PSMB6: variants seen among roughly 807,000 people sequenced by gnomAD.
The protein encoded by PSMB6 is proteasome 20S subunit beta 6.
PSMB6 carries 11 observed loss-of-function variants against 28.2 expected under a neutral mutation model. That is an observed-to-expected ratio of 0.39 (90% CI 0.25 to 0.65). The LOEUF (loss-of-function observed/expected upper bound fraction) is 0.65, where lower values mean the gene tolerates loss of function less well. Ranked by LOEUF, PSMB6 falls within the 30% of genes least tolerant of loss-of-function variation. The pLI, the probability that PSMB6 is intolerant of heterozygous loss-of-function variation, is 0.48. For missense variants in PSMB6, 268 were observed against 319.4 expected (o/e 0.84, Z 1.23); for synonymous variants, 126 against 117.7 (o/e 1.07, Z -0.45).
In PSMB6 at chr17:4,798,261, TTTC is replaced by T. The variant is rs1440010237; in HGVS notation, c.578-13_578-11del. The stretch of plus-strand genomic sequence containing the variant: ...CCCGGCATCTGAATCTGAACCCAGC[TTTC>T]TTCTTTTATCCACAGCTCTCGCTTT... On this transcript the variant is annotated splice_polypyrimidine_tract_variant and intron_variant, in intron 5 of 5. Coordinates refer to ENST00000270586, the MANE Select transcript of PSMB6 (RefSeq NM_002798.3). 2 of 1,613,362 alleles carry T rather than the reference TTTC, an allele frequency of 1.2e-6. No homozygotes were observed. Among genetic ancestry groups the T allele is most frequent in the Admixed American group, 1.7e-5 (1 of 59,884 alleles).
rs1484810246 is a variant in PSMB6, at chr17:4,797,579, G to A, written c.302+10G>A. 2 of 1,592,924 alleles carry A rather than the reference G, an allele frequency of 1.3e-6. No individual in the cohort carries two copies. The highest frequency in any genetic ancestry group is 1.7e-6 in the Non-Finnish European group (2 of 1,165,872). ...AGCTCGGTTTCCACAGGTGCTTGTG[G>A]GCAGGGGAGGGGCAAGTATCTGAAG... On this transcript the variant is annotated intron_variant, in intron 3 of 5. Transcript: ENST00000270586.
At chr17:4,796,694 G>A (rs1030936672) in intron 1 of PSMB6, 34 bp from the exon 2 acceptor site, 17 of 1,530,322 alleles carry the variant, frequency 1.1e-5, no homozygotes, top group Non-Finnish European at 1.4e-5. Context: ...GTCTGCTGGA[G>A]AATGTAGACT....
intron 1 of PSMB6, 73 bp downstream of exon 1, chr17:4,796,369 T>A (rs1208710482): frequency 4.9e-6 from 6 of 1,226,682 alleles, no homozygotes; most frequent in Non-Finnish European, 6.9e-6. Flanking sequence ...CTGAGTGGGG[T>A]TGAGAGATCT....
chr17:4,797,230 G>T, intron 2 of PSMB6: 1 of 571,218 alleles, frequency 1.8e-6, no homozygotes, highest in African/African-American at 1.9e-5. Flanking sequence ...CTAGAGAATC[G>T]CTTGGACCCA....
chr17:4,796,897 G>C, intron 2 of PSMB6, 102 bp downstream of exon 2: 1 of 981,236 alleles, frequency 1.0e-6, no homozygotes, highest in Non-Finnish European at 1.6e-6. Flanking sequence ...TGGGAAGAGA[G>C]GTTTCTTCTC....
rs1210215100 is a variant in PSMB6, at chr17:4,798,458, G to T, written c.*36G>T. On this transcript the variant is annotated 3_prime_UTR_variant, in exon 6 of 6. Transcript: ENST00000270586. ...TCTAGTATGCAATAAGAGATGCCCTGTACTGATGCAAAATTTAATAAAGTT... is the reference window on the plus strand; with the variant it reads ...TCTAGTATGCAATAAGAGATGCCCTTTACTGATGCAAAATTTAATAAAGTT... 4 of 1,564,324 alleles carry T rather than the reference G, an allele frequency of 2.6e-6. No homozygotes were observed. Among genetic ancestry groups the T allele is most frequent in the Middle Eastern group, 1.7e-4 (1 of 5,840 alleles).
Position 4,796,319 on chromosome 17 carries a change from T to C in PSMB6, c.102+23T>C, listed in dbSNP as rs376142699. 18 of 1,538,532 alleles carry C rather than the reference T, an allele frequency of 1.2e-5. No individual in the cohort carries two copies. In the African/African-American group the frequency reaches 1.8e-4, roughly 15 times the overall value. ...GGGGTGAGGAAGGAATCGGGGTTCA[T>C]AGGACGTGCACAAGGCCTGACGCGA... On this transcript the variant is annotated intron_variant, in intron 1 of 5. Coordinates refer to ENST00000270586, the MANE Select transcript of PSMB6 (RefSeq NM_002798.3).
rs1336438585 is a variant in PSMB6 at position 4,797,567 on chromosome 17, C to A, written c.300C>A (p.His100Gln). The change falls in exon 3 of 6, where the codon CAC (histidine) becomes CAA (glutamine). Residue 100 changes from histidine to glutamine, a missense_variant and splice_region_variant. His to Gln is a conservative substitution (Grantham distance 24, BLOSUM62 0). Coordinates refer to ENST00000270586, the MANE Select transcript of PSMB6 (RefSeq NM_002798.3). ...CTGTCACCTACCAGCTCGGTTTCCA[C>A]AGGTGCTTGTGGGCAGGGGAGGGGC... Reference protein sequence around the residue: ...ADAVTYQLGFHSIELNEPPLV... With the variant: ...ADAVTYQLGFQSIELNEPPLV... 3 of 1,596,398 alleles carry A rather than the reference C, an allele frequency of 1.9e-6. No individual in the cohort carries two copies. Among genetic ancestry groups the A allele is most frequent in the Non-Finnish European group, 2.6e-6 (3 of 1,168,550 alleles).
chr17:4,797,929 C>G (rs1318231831), intron 4 of PSMB6, 80 bp from the exon 5 acceptor site: 18 of 1,604,118 alleles, frequency 1.1e-5, no homozygotes, highest in Non-Finnish European at 1.5e-5. Context: ...GTGCCTCAGA[C>G]CAATAGCAGA....
In PSMB6 at chr17:4,797,325, GA is replaced by G. The variant is rs568027157; in HGVS notation, c.171-106del. The G allele has an allele frequency of 9.6e-3, 13,116 of 1,361,592 alleles. 105 individuals carry two copies. Among genetic ancestry groups the G allele is most frequent in the Middle Eastern group, 0.015 (76 of 5,012 alleles). The allele number at this position is 1,361,592 out of a possible 1,614,324, so 84.3% of individuals were successfully genotyped here. A position where few individuals can be genotyped will look rare whatever the true frequency, so the allele number is the denominator to read the frequency against. The stretch of plus-strand genomic sequence containing the variant: ...GCGAGACTCCATCTCAAAGAAAAAG[GA>G]AAAAAAGGCAATACTGGACATCCTA... On this transcript the variant is annotated intron_variant, in intron 2 of 5. Transcript: ENST00000270586.
At chr17:4,797,415 C>T in intron 2 of PSMB6, 23 bp from the exon 3 acceptor site, 2 of 1,534,424 alleles carry the variant, frequency 1.3e-6, no homozygotes, top group Admixed American at 2.0e-5. Flanking sequence ...GGCTCCTTTC[C>T]TCACTATTCT....
In PSMB6 at chr17:4,798,409, T is replaced by C. The variant is rs1905412173; in HGVS notation, c.707T>C (p.Leu236Ser). The C allele has an allele frequency of 6.2e-7, 1 of 1,614,022 alleles. No homozygotes were observed. The change falls in exon 6 of 6, where the codon TTA (leucine) becomes TCA (serine). Residue 236 changes from leucine (L) to serine (S), a missense_variant. Transcript: ENST00000270586. The part of the protein sequence containing the change: ...DQIPKFAVAT[L>S]PPA The stretch of plus-strand genomic sequence containing the variant: ...ATACCCAAATTCGCCGTTGCCACTT[T>C]ACCACCCGCCTGAATCCTGGGATTC...
Position 4,796,748 on chromosome 17 carries a change from G to A in PSMB6, c.123G>A (p.Gln41=), listed in dbSNP as rs762679636. The A allele has an allele frequency of 1.7e-5, 28 of 1,609,386 alleles. No individual in the cohort carries two copies. The South Asian group carries it at 3.0e-4, about 17-fold the overall frequency. ...VSTGTTIMAV[Q]FDGGVVLGAD... is the part of the protein sequence containing the mutation. ...CCCAGACCACTATCATGGCCGTGCA[G>A]TTTGACGGGGGCGTGGTTCTGGGGG... Residue 41 remains glutamine, a synonymous_variant, in exon 2 of 6, where the codon CAG becomes CAA. Transcript: ENST00000270586.
rs1905328678 is a variant in PSMB6, at chr17:4,796,303, A to G, written c.102+7A>G. 4 of 1,561,948 alleles carry G rather than the reference A, an allele frequency of 2.6e-6. No homozygotes were observed. The East Asian group carries it at 9.4e-5, about 37-fold the overall frequency. On this transcript the variant is annotated splice_region_variant and intron_variant, in intron 1 of 5. Transcript: ENST00000270586. ...CCGAGAAGTTTCCACTGGGGTGAGG[A>G]AGGAATCGGGGTTCATAGGACGTGC...
chr17:4,796,257 G>A lies in PSMB6; in HGVS notation c.63G>A (p.Ala21=), dbSNP rs3169950. 660,003 of 1,586,064 alleles carry A rather than the reference G, an allele frequency of 0.42. 142,747 individuals are homozygous for A. The highest frequency in any genetic ancestry group is 0.45 in the Non-Finnish European group (526,817 of 1,166,128). Residue 21 remains alanine (A), a synonymous_variant, in exon 1 of 6, where the codon GCG becomes GCA. Coordinates refer to ENST00000270586, the MANE Select transcript of PSMB6 (RefSeq NM_002798.3). ...CAGCACCGGCTTGGGGGCCGGAGGC[G>A]TTCACTCCAGACTGGGAAAGCCGAG... ...AGPAPAWGPE[A]FTPDWESREV... is the part of the protein sequence containing the mutation.
intron 1 of PSMB6, 80 bp downstream of exon 1, chr17:4,796,376 A>T: frequency 8.6e-7 from 1 of 1,169,392 alleles, no homozygotes; most frequent in Non-Finnish European, 1.2e-6. Context: ...GGGTTGAGAG[A>T]TCTGGCAGGG....
chr17:4,796,498 A>G (rs1849031845), intron 1 of PSMB6, among the ~76,000 whole-genome samples: 1 of 152,090 alleles, frequency 6.6e-6, no homozygotes, highest in South Asian at 2.1e-4. Context: ...CTGAAGTTTG[A>G]AATTCTGAAA....
At chr17:4,797,845 C>A in intron 4 of PSMB6, 34 bp downstream of exon 4, 16 of 1,612,398 alleles carry the variant, frequency 9.9e-6, no homozygotes, top group Non-Finnish European at 1.4e-5. Context: ...CACACTTGAG[C>A]CAGGACTTTT....
chr17:4,798,055 C>G lies in PSMB6; in HGVS notation c.479C>G (p.Ala160Gly), dbSNP rs1474008466. 6.2e-7 allele frequency: 1 copy of G among 1,614,120 alleles called. No homozygotes were observed. Among genetic ancestry groups the G allele is most frequent in the South Asian group, 1.1e-5 (1 of 91,082 alleles). ...MGGMMVRQSF[A>G]IGGSGSSYIY... Reference sequence around the variant, plus strand: ...GGTATGATGGTAAGGCAGTCCTTTGCCATTGGAGGCTCCGGGAGCTCCTAC... The same window carrying G: ...GGTATGATGGTAAGGCAGTCCTTTGGCATTGGAGGCTCCGGGAGCTCCTAC... The change falls in exon 5 of 6, where the codon GCC (alanine) becomes GGC (glycine). Residue 160 changes from alanine (A) to glycine (G), a missense_variant. By Grantham distance (60) the Ala-to-Gly change is moderately conservative. Coordinates refer to ENST00000270586, the MANE Select transcript of PSMB6 (RefSeq NM_002798.3).
Sources: allele counts gnomAD v4.1 joint callset (sites outside exome capture counted in the v4.1 genomes callset), GRCh38; gene constraint gnomAD v4.1.1; transcripts MANE v1.5; gene names NCBI Gene and HGNC (gene_info 2026-07-23, HGNC 2026-07-21).